PRKCA: variants seen among roughly 807,000 people sequenced by gnomAD.
PRKCA encodes protein kinase C alpha type.
PRKCA carries 27 observed loss-of-function variants against 87.0 expected under a neutral mutation model. That is an observed-to-expected ratio of 0.31 (90% confidence interval 0.23 to 0.43). The LOEUF (loss-of-function observed/expected upper bound fraction) is 0.43, where lower values mean the gene tolerates loss of function less well. PRKCA is among the 20% of genes least tolerant of loss of function. The pLI is 1.00. For missense variants in PRKCA, 518 were observed against 852.3 expected, an observed-to-expected ratio of 0.61 and a Z score of 4.88; for synonymous variants, 329 against 311.1, an observed-to-expected ratio of 1.06 and a Z score of -0.61.
intron 2 of PRKCA, among the ~76,000 whole-genome samples, chr17:66,421,348 A>T (rs1292764421): frequency 6.6e-6 from 1 of 151,542 alleles, no homozygotes; most frequent in South Asian, 2.1e-4. Flanking sequence ...TCTGGAAGGA[A>T]GGGGCAGTCC....
At chr17:66,652,164 A>G (rs961677938) in intron 5 of PRKCA, among the ~76,000 whole-genome samples, 1 of 152,068 alleles carries the variant, frequency 6.6e-6, no homozygotes, top group Non-Finnish European at 1.5e-5. Flanking sequence ...CCACCATGTT[A>G]GCTAGGCTGA....
intron 2 of PRKCA, among the ~76,000 whole-genome samples, chr17:66,351,673 T>G (rs1907755390): frequency 6.6e-6 from 1 of 152,212 alleles, no homozygotes; most frequent in Non-Finnish European, 1.5e-5. Flanking sequence ...TTTAAACGAT[T>G]AAACATGTGA....
intron 2 of PRKCA, among the ~76,000 whole-genome samples, chr17:66,325,328 G>A (rs902364273): frequency 1.3e-5 from 2 of 152,184 alleles, no homozygotes; most frequent in African/African-American, 2.4e-5. Flanking sequence ...GGCCCAAGCC[G>A]ATGTTTATTA....
chr17:66,542,633 T>C (rs1380633126), intron 3 of PRKCA, among the ~76,000 whole-genome samples: 1 of 152,176 alleles, frequency 6.6e-6, no homozygotes, highest in East Asian at 1.9e-4. Context: ...CTTCAGAGAC[T>C]GATAGTCGGA....
Position 66,475,473 on chromosome 17 carries a change from G to A in PRKCA, c.206-20728G>A, listed in dbSNP as rs189595334. 3.0e-3 allele frequency among the ~76,000 whole-genome samples: 452 copies of A among 152,228 alleles called. 3 individuals carry two copies. Among genetic ancestry groups the A allele is most frequent in the African/African-American group, 0.01 (418 of 41,532 alleles). The stretch of plus-strand genomic sequence containing the variant: ...CTTATTACTCAGTGGAGTCTTGATC[G>A]CTATTAGCTTGGTCCAGTTTTGGAT... On this transcript the variant is annotated intron_variant, in intron 2 of 16. Coordinates refer to ENST00000413366, the MANE Select transcript of PRKCA (RefSeq NM_002737.3).
At chr17:66,317,132 ACT>A (rs1310045168) in intron 2 of PRKCA, among the ~76,000 whole-genome samples, 1 of 148,460 alleles carries the variant, frequency 6.7e-6, no homozygotes, top group Non-Finnish European at 1.5e-5. Flanking sequence ...ACAGAGTGAG[ACT>A]CTGTCTCAAA....
chr17:66,447,992 A>G (rs1914121773), intron 2 of PRKCA, among the ~76,000 whole-genome samples: 2 of 152,176 alleles, frequency 1.3e-5, no homozygotes, highest in African/African-American at 4.8e-5. Flanking sequence ...GGCAGTGGGT[A>G]TCGACAGGTA....
intron 2 of PRKCA, among the ~76,000 whole-genome samples, chr17:66,458,488 T>C (rs1271097963): frequency 1.6e-4 from 1 of 6,216 alleles, no homozygotes; most frequent in Non-Finnish European, 2.5e-4. Context: ...TTATTTTCCT[T>C]TTTTTTTTTG....
intron 3 of PRKCA, among the ~76,000 whole-genome samples, chr17:66,504,172 C>T (rs1426438721): frequency 6.6e-6 from 1 of 152,192 alleles, no homozygotes; most frequent in Non-Finnish European, 1.5e-5. Flanking sequence ...TGTTATTAAA[C>T]ATTGATTGAT....
chr17:66,373,531 T>G (rs185089192), intron 2 of PRKCA, among the ~76,000 whole-genome samples: 7 of 152,294 alleles, frequency 4.6e-5, no homozygotes, highest in African/African-American at 1.7e-4. Flanking sequence ...TCGATTCAAG[T>G]TGTAGGAGTT....
intron 2 of PRKCA, among the ~76,000 whole-genome samples, chr17:66,363,708 A>ATTTG (rs1054696222): frequency 2.6e-5 from 4 of 151,800 alleles, no homozygotes; most frequent in South Asian, 2.1e-4. Flanking sequence ...TTATTTATTT[A>ATTTG]TTTGTTTGTT....
intron 8 of PRKCA, among the ~76,000 whole-genome samples, chr17:66,691,362 A>G (rs1360723216): frequency 6.6e-6 from 1 of 152,202 alleles, no homozygotes; most frequent in Non-Finnish European, 1.5e-5. Context: ...TCTATCTATC[A>G]ATAGAGAGAA....
chr17:66,630,323 G>A (rs1007909330), intron 3 of PRKCA, among the ~76,000 whole-genome samples: 1 of 152,180 alleles, frequency 6.6e-6, no homozygotes, highest in African/African-American at 2.4e-5. Flanking sequence ...GCTAGAGAAA[G>A]ACATACAGGA....
intron 5 of PRKCA, among the ~76,000 whole-genome samples, chr17:66,646,268 A>G (rs9912764): frequency 0.63 from 96,468 of 152,016 alleles, 30,791 homozygotes; most frequent in African/African-American, 0.72. Flanking sequence ...CTCTGCCACA[A>G]CATGGCTTTT....
rs566796358 is a variant in PRKCA, at chr17:66,694,470, G to T, written c.918+5423G>T. Among the ~76,000 whole-genome samples the T allele has an allele frequency of 2.7e-3, 285 of 105,576 alleles. 1 individual carries two copies. Among genetic ancestry groups the T allele is most frequent in the African/African-American group, 0.01 (265 of 25,642 alleles). The allele number at this position is 105,576 out of a possible 152,430, so 69.3% of individuals were successfully genotyped here. On this transcript the variant is annotated intron_variant, in intron 8 of 16. Coordinates refer to ENST00000413366, the MANE Select transcript of PRKCA (RefSeq NM_002737.3). ...CACTCCAGCTTGGGCGACAGAGCGA[G>T]ACTCTGTCTCAAAAAAAAAAAAAAA... is the stretch of plus-strand genomic sequence containing the variant.
rs567333890 is a variant in PRKCA at position 66,437,720 on chromosome 17, C to CTT, written c.206-58471_206-58470dup. Among the ~76,000 whole-genome samples the CTT allele has an allele frequency of 6.9e-3, 227 of 32,834 alleles. 56 individuals are homozygous for CTT. Among genetic ancestry groups the CTT allele is most frequent in the African/African-American group, 0.031 (222 of 7,242 alleles). The allele number at this position is 32,834 out of a possible 152,430, so 21.5% of individuals were successfully genotyped here. A position where few individuals can be genotyped will look rare whatever the true frequency, so the allele number is the denominator to read the frequency against. On this transcript the variant is annotated intron_variant, in intron 2 of 16. Transcript: ENST00000413366. Reference sequence around the variant, plus strand: ...CAACTGGGTAGTTGTTTCAAGTTTCCTTTTTTTTTTTGAGCGGGGGGTGGG... The same window carrying CTT: ...CAACTGGGTAGTTGTTTCAAGTTTCCTTTTTTTTTTTTTGAGCGGGGGGTGGG...
rs1598710484 is a variant in PRKCA at position 66,483,806 on chromosome 17, C to A, written c.206-12395C>A. 5.3e-5 allele frequency among the ~76,000 whole-genome samples: 8 copies of A among 152,174 alleles called. No individual in the cohort carries two copies. In the South Asian group the frequency reaches 1.7e-3, roughly 32 times the overall value. On this transcript the variant is annotated intron_variant, in intron 2 of 16. Coordinates refer to ENST00000413366, the MANE Select transcript of PRKCA (RefSeq NM_002737.3). ...GATGCCAGTCATATTGGATTAGAGGCCTTACCTTATGCCAGTGTGACCCCA... is the reference window on the plus strand; with the variant it reads ...GATGCCAGTCATATTGGATTAGAGGACTTACCTTATGCCAGTGTGACCCCA...
At chr17:66,748,695 G>T (rs1974357233) in intron 13 of PRKCA, among the ~76,000 whole-genome samples, 1 of 152,156 alleles carries the variant, frequency 6.6e-6, no homozygotes, top group Non-Finnish European at 1.5e-5. Context: ...ACCTTCCTTT[G>T]AGGACATCTA....
At chr17:66,480,093 A>G (rs987946213) in intron 2 of PRKCA, among the ~76,000 whole-genome samples, 2 of 151,594 alleles carry the variant, frequency 1.3e-5, no homozygotes, top group African/African-American at 4.8e-5. Context: ...TCTGGCATGC[A>G]GTTTGGAAAG....
Sources: allele counts gnomAD v4.1 joint callset (sites outside exome capture counted in the v4.1 genomes callset), GRCh38; gene constraint gnomAD v4.1.1; transcripts MANE v1.5; gene names NCBI Gene and HGNC (gene_info 2026-07-23, HGNC 2026-07-21).